CRYBB1: variants seen among roughly 807,000 people sequenced by gnomAD.
The protein encoded by CRYBB1 is crystallin beta B1.
CRYBB1 carries 16 observed loss-of-function variants against 29.5 expected under a neutral mutation model. The observed-to-expected ratio is 0.54, with a 90% CI of 0.37 to 0.82. The LOEUF is 0.82. CRYBB1 is among the 40% of genes least tolerant of loss of function. The probability of loss-of-function intolerance (pLI) is 0.00; values close to 1 mark genes in which losing one functional copy is unlikely to be tolerated. For missense variants in CRYBB1, 300 were observed against 350.5 expected, an observed-to-expected ratio of 0.86 and a Z score of 1.15; for synonymous variants, 127 against 136.7, an observed-to-expected ratio of 0.93 and a Z score of 0.49.
chr22:26,614,669 A>G (rs886675108), intron 2 of CRYBB1, among the ~76,000 whole-genome samples: 1 of 152,180 alleles, frequency 6.6e-6, no homozygotes, highest in Admixed American at 6.5e-5. Flanking sequence ...AGCCCAGAAT[A>G]ATCACATTGC....
Position 26,616,245 on chromosome 22 carries a change from C to A in CRYBB1, c.75G>T (p.Gly25=). The change falls in exon 2 of 6, where the codon GGG becomes GGT. Residue 25 remains glycine (G), a synonymous_variant. Transcript: ENST00000647684. ...TAGGGGATGTTCCTGCAGGTGGGGC[C>A]CCCTTCCCCTTGGTGTCAGGCCCTG... ...VNPGPDTKGK[G]APPAGTSPSP... 1 of 1,614,050 alleles carries A rather than the reference C, an allele frequency of 6.2e-7. No individual in the cohort carries two copies. The highest frequency in any genetic ancestry group is 8.5e-7 in the Non-Finnish European group (1 of 1,179,940).
At chr22:26,616,568 T>C (rs1602333282) in intron 1 of CRYBB1, among the ~76,000 whole-genome samples, 1 of 152,220 alleles carries the variant, frequency 6.6e-6, no homozygotes, top group East Asian at 1.9e-4. Context: ...ACCATGCGGT[T>C]CCCTCCACTA....
At position 26,599,442 on chromosome 22, in the gene CRYBB1, T is replaced by C. The variant is rs372517522; in HGVS notation, c.*48A>G. 37 of 1,553,036 alleles carry C rather than the reference T, an allele frequency of 2.4e-5. No individual in the cohort carries two copies. Among genetic ancestry groups the C allele is most frequent in the Non-Finnish European group, 3.0e-5 (34 of 1,141,778 alleles). On this transcript the variant is annotated 3_prime_UTR_variant, in exon 6 of 6. Coordinates refer to ENST00000647684, the MANE Select transcript of CRYBB1 (RefSeq NM_001887.4). Reference sequence around the variant, plus strand: ...TGCCTGGGAAAAATGGGGGAAATAATTGAACATGAAGAAGGGTTGGGGCAA... The same window carrying C: ...TGCCTGGGAAAAATGGGGGAAATAACTGAACATGAAGAAGGGTTGGGGCAA...
Position 26,601,959 on chromosome 22 carries a change from C to T in CRYBB1, c.495G>A (p.Glu165=), listed in dbSNP as rs1202233841. 11 of 1,613,522 alleles carry T rather than the reference C, an allele frequency of 6.8e-6. No individual in the cohort carries two copies. The highest frequency in any genetic ancestry group is 1.7e-5 in the Admixed American group (1 of 59,998). ...EGANFKGNTI[E]IQGDDAPSLW... is the part of the protein sequence containing the mutation. ...GACTGGGTGCGTCGTCCCCCTGGAT[C>T]TCTATGGTGTTGCCCTTGAAGTTGG... The change falls in exon 5 of 6, where the codon GAG becomes GAA. Residue 165 remains glutamate, a synonymous_variant. Coordinates refer to ENST00000647684, the MANE Select transcript of CRYBB1 (RefSeq NM_001887.4).
At chr22:26,613,774 A>G (rs1929253930) in intron 2 of CRYBB1, among the ~76,000 whole-genome samples, 1 of 152,242 alleles carries the variant, frequency 6.6e-6, no homozygotes, top group Non-Finnish European at 1.5e-5. Flanking sequence ...TGTTCAGGGA[A>G]TAAGAGAGAT....
At position 26,612,156 on chromosome 22, in the gene CRYBB1, C is replaced by A; in HGVS notation, c.215G>T (p.Arg72Leu). ...GCACTCCCCCGAGAATTCTGCTCGA[C>A]GGCCCTGGAAGTTTTCCAGTTCGAA... ...VVFELENFQGRRAEFSGECSN... is the reference protein window; with the variant it reads ...VVFELENFQGLRAEFSGECSN... Residue 72 changes from arginine (R) to leucine (L), a missense_variant, in exon 3 of 6, where the codon CGT becomes CTT. Transcript: ENST00000647684. 1.2e-6 allele frequency: 2 copies of A among 1,613,848 alleles called. No individual in the cohort carries two copies. Among genetic ancestry groups the A allele is most frequent in the Non-Finnish European group, 1.7e-6 (2 of 1,179,954 alleles).
intron 4 of CRYBB1, among the ~76,000 whole-genome samples, chr22:26,602,652 G>A (rs1005771414): frequency 6.6e-6 from 1 of 152,038 alleles, no homozygotes; most frequent in Non-Finnish European, 1.5e-5. Flanking sequence ...GGCTCAGAGA[G>A]GTCAAGCTTA....
chr22:26,615,985 A>G (rs1211235421), intron 2 of CRYBB1, among the ~76,000 whole-genome samples, 155 bp downstream of exon 2: 1 of 152,086 alleles, frequency 6.6e-6, no homozygotes, highest in Non-Finnish European at 1.5e-5. Context: ...AAGGGAGAGT[A>G]AATAGAAAGG....
rs188122473 is a variant in CRYBB1 at position 26,607,777 on chromosome 22, G to T, written c.432+112C>A. 984 of 1,453,432 alleles carry T rather than the reference G, an allele frequency of 6.8e-4. 4 individuals are homozygous for T. The African/African-American group carries it at 0.011, about 17-fold the overall frequency. The allele number at this position is 1,453,432 out of a possible 1,614,324, so 90.0% of individuals were successfully genotyped here. A position where few individuals can be genotyped will look rare whatever the true frequency, so the allele number is the denominator to read the frequency against. ...ACGGTCCTTTGACAACTCGGAGGCT[G>T]CCACGCCTCCCTACCCACCATCATC... On this transcript the variant is annotated intron_variant, in intron 4 of 5. Transcript: ENST00000647684.
At chr22:26,613,658 G>A (rs954973830) in intron 2 of CRYBB1, among the ~76,000 whole-genome samples, 3 of 151,938 alleles carry the variant, frequency 2.0e-5, no homozygotes, top group Admixed American at 6.6e-5. Flanking sequence ...GATGTATGTC[G>A]CCTCAGGACC....
chr22:26,599,992 A>G (rs1928770900), intron 5 of CRYBB1, among the ~76,000 whole-genome samples: 1 of 152,248 alleles, frequency 6.6e-6, no homozygotes, highest in African/African-American at 2.4e-5. Flanking sequence ...ATGAATACAC[A>G]TCCCATTAAA....
intron 3 of CRYBB1, among the ~76,000 whole-genome samples, chr22:26,611,466 T>G (rs947652937): frequency 0.015 from 2,091 of 136,432 alleles, 61 homozygotes; most frequent in African/African-American, 0.049. Flanking sequence ...TTTTTTTTTT[T>G]TTGTTTTTTT....
Position 26,599,419 on chromosome 22 carries a change from C to G in CRYBB1, c.*71G>C. 4 of 1,513,860 alleles carry G rather than the reference C, an allele frequency of 2.6e-6. No individual in the cohort carries two copies. Among genetic ancestry groups the G allele is most frequent in the Non-Finnish European group, 3.6e-6 (4 of 1,112,130 alleles). 93.8% of individuals were successfully genotyped at this position (1,513,860 alleles called of 1,614,324 possible). A position where few individuals can be genotyped will look rare whatever the true frequency, so the allele number is the denominator to read the frequency against. On this transcript the variant is annotated 3_prime_UTR_variant, in exon 6 of 6. Transcript: ENST00000647684. ...TTTTGGCTTTAGGGAATTTTATTTG[C>G]CTGGGAAAAATGGGGGAAATAATTG...
intron 5 of CRYBB1, among the ~76,000 whole-genome samples, chr22:26,600,383 CAG>C (rs1928785289): frequency 6.6e-6 from 1 of 151,160 alleles, no homozygotes; most frequent in Non-Finnish European, 1.5e-5. Context: ...GCCTGAGGGA[CAG>C]AGCGAGACTC....
intron 3 of CRYBB1, among the ~76,000 whole-genome samples, chr22:26,609,581 A>T (rs1929092355): frequency 6.6e-6 from 1 of 152,136 alleles, no homozygotes. Flanking sequence ...TGGGTGGGTG[A>T]TGGAGAACAC....
chr22:26,612,139 C>A lies in CRYBB1; in HGVS notation c.232G>T (p.Gly78Trp). 1 of 1,614,038 alleles carries A rather than the reference C, an allele frequency of 6.2e-7. No individual in the cohort carries two copies. Among genetic ancestry groups the A allele is most frequent in the Non-Finnish European group, 8.5e-7 (1 of 1,180,024 alleles). Residue 78 changes from glycine (G) to tryptophan (W), a missense_variant, in exon 3 of 6, where the codon GGG becomes TGG. Physicochemically the swap from Gly to Trp is radical, Grantham distance 184. Coordinates refer to ENST00000647684, the MANE Select transcript of CRYBB1 (RefSeq NM_001887.4). ...CGGTCTGCCAGATTTGAGCACTCCC[C>A]CGAGAATTCTGCTCGACGGCCCTGG... ...NFQGRRAEFS[G>W]ECSNLADRGF... is the part of the protein sequence containing the mutation.
intron 2 of CRYBB1, among the ~76,000 whole-genome samples, chr22:26,613,194 T>C (rs1929235015): frequency 6.6e-6 from 1 of 152,256 alleles, no homozygotes; most frequent in African/African-American, 2.4e-5. Context: ...CTAAGCCTCA[T>C]GTTTGGTTCC....
intron 3 of CRYBB1, among the ~76,000 whole-genome samples, chr22:26,609,182 C>T (rs1929079557): frequency 6.6e-6 from 1 of 152,172 alleles, no homozygotes; most frequent in Non-Finnish European, 1.5e-5. Context: ...CCCTGCTCTC[C>T]CCAGAAGGAG....
chr22:26,601,909 C>T lies in CRYBB1; in HGVS notation c.545G>A (p.Arg182His), dbSNP rs774691426. Residue 182 changes from arginine to histidine, a missense_variant, in exon 5 of 6, where the codon CGC becomes CAC. Physicochemically the swap from Arg to His is conservative, Grantham distance 29. Coordinates refer to ENST00000647684, the MANE Select transcript of CRYBB1 (RefSeq NM_001887.4). ...PSLWVYGFSDRVGSVKVSSGT... is the reference protein window; with the variant it reads ...PSLWVYGFSDHVGSVKVSSGT... Reference sequence around the variant, plus strand: ...ACTGGAGACCTTCACGCTGCCCACGCGGTCACTGAAGCCGTAGACCCAGAG... The same window carrying T: ...ACTGGAGACCTTCACGCTGCCCACGTGGTCACTGAAGCCGTAGACCCAGAG... 4.0e-5 allele frequency: 64 copies of T among 1,612,412 alleles called. 1 individual carries two copies. In the Admixed American group the frequency reaches 6.2e-4, roughly 16 times the overall value.
Sources: gnomAD v4.1 joint callset for allele counts (sites outside exome capture counted in the v4.1 genomes callset) on GRCh38, gnomAD v4.1.1 for gene constraint, MANE v1.5 for transcripts, NCBI Gene and HGNC (gene_info 2026-07-23, HGNC 2026-07-21) for gene names.